The following SRPK2 variants were observed in gnomAD, a reference collection of about 807,000 sequenced individuals.
The protein encoded by SRPK2 is SFRS protein kinase 2.
A neutral mutation model predicts 90.8 loss-of-function variants in SRPK2; 21 were observed. The observed-to-expected ratio is 0.23, with a 90% confidence interval of 0.16 to 0.33. The LOEUF (loss-of-function observed/expected upper bound fraction) is 0.33, where lower values mean the gene tolerates loss of function less well. Ranked by LOEUF, SRPK2 falls within the 10% of genes least tolerant of loss-of-function variation. The pLI, the probability that SRPK2 is intolerant of heterozygous loss-of-function variation, is 1.00. For synonymous variants in SRPK2, 288 were observed against 311.1 expected (o/e 0.93, Z 0.78); for missense variants, 620 against 869.0 (o/e 0.71, Z 3.60).
chr7:105,345,416 T>C (rs1221926134), intron 2 of SRPK2, among the ~76,000 whole-genome samples: 1 of 152,134 alleles, frequency 6.6e-6, no homozygotes, highest in Non-Finnish European at 1.5e-5. Context: ...ACAGTAGCTT[T>C]TGAGTTTGAT....
chr7:105,367,265 G>A (rs1819182222), intron 2 of SRPK2, among the ~76,000 whole-genome samples: 1 of 151,372 alleles, frequency 6.6e-6, no homozygotes, highest in Non-Finnish European at 1.5e-5. Flanking sequence ...ACAGGGCTTT[G>A]TTTTGTTTTG....
chr7:105,314,124 A>G (rs1812044971), intron 2 of SRPK2, among the ~76,000 whole-genome samples: 2 of 152,060 alleles, frequency 1.3e-5, no homozygotes, highest in Non-Finnish European at 2.9e-5. Context: ...TGAGGCCAGG[A>G]GCTAGAGACC....
intron 3 of SRPK2, among the ~76,000 whole-genome samples, chr7:105,174,750 A>G (rs1457490340): frequency 6.6e-6 from 1 of 152,226 alleles, no homozygotes; most frequent in Admixed American, 6.5e-5. Context: ...ATTACCATTT[A>G]TAGATCACTA....
chr7:105,120,796 A>C (rs1323037165), intron 15 of SRPK2, among the ~76,000 whole-genome samples: 1 of 152,180 alleles, frequency 6.6e-6, no homozygotes, highest in Non-Finnish European at 1.5e-5. Context: ...CCCTGGAAAT[A>C]GTTGATAAGG....
chr7:105,151,352 T>G (rs1805615714), intron 7 of SRPK2, among the ~76,000 whole-genome samples: 1 of 152,142 alleles, frequency 6.6e-6, no homozygotes, highest in Non-Finnish European at 1.5e-5. Context: ...GAGCTTTCAT[T>G]CTCATCTATG....
At chr7:105,122,330 CAT>C (rs776078642) in intron 15 of SRPK2, among the ~76,000 whole-genome samples, 16 of 152,152 alleles carry the variant, frequency 1.1e-4, no homozygotes, top group East Asian at 3.8e-4. Flanking sequence ...TAAACTTTCA[CAT>C]GTGTATTCAA....
chr7:105,230,921 T>C (rs1799349544), intron 2 of SRPK2, among the ~76,000 whole-genome samples: 1 of 152,236 alleles, frequency 6.6e-6, no homozygotes, highest in South Asian at 2.1e-4. Context: ...TATTCTTGAA[T>C]TTATTACAAG....
chr7:105,285,366 C>T (rs1234345231), intron 2 of SRPK2, among the ~76,000 whole-genome samples: 3 of 111,244 alleles, frequency 2.7e-5, no homozygotes, highest in Non-Finnish European at 5.1e-5. Flanking sequence ...AACTGGGCAA[C>T]AGAGTGAGAC....
intron 2 of SRPK2, among the ~76,000 whole-genome samples, chr7:105,295,818 T>C (rs1193974856): frequency 6.6e-6 from 1 of 152,184 alleles, no homozygotes; most frequent in African/African-American, 2.4e-5. Flanking sequence ...GCTCACACAA[T>C]ATTTCTCTTG....
chr7:105,302,197 G>C lies in SRPK2; in HGVS notation c.71+86451C>G, dbSNP rs1270044564. On this transcript the variant is annotated intron_variant, in intron 2 of 15. Coordinates refer to ENST00000393651, the MANE Select transcript of SRPK2 (RefSeq NM_182692.3). The stretch of plus-strand genomic sequence containing the variant: ...GGTGGCTTTTTATAAAATAATTTTT[G>C]TATGTTTCTTACATTAAAAAGGTTG... The C allele has an allele frequency of 1.4e-5, 11 of 796,208 alleles. No homozygotes were observed. In the South Asian group the frequency reaches 1.6e-4, roughly 12 times the overall value. The allele number at this position is 796,208 out of a possible 1,614,324, so 49.3% of individuals were successfully genotyped here. A position where few individuals can be genotyped will look rare whatever the true frequency, so the allele number is the denominator to read the frequency against.
chr7:105,354,904 C>T (rs963605484), intron 2 of SRPK2, among the ~76,000 whole-genome samples: 1 of 152,164 alleles, frequency 6.6e-6, no homozygotes, highest in South Asian at 2.1e-4. Context: ...ATATTTCCCC[C>T]TCCCCACCAG....
rs1415537439 is a variant in SRPK2, at chr7:105,233,080, AAAGGAAGGAAAG to A, written c.72-29307_72-29296del. ...GGAGGGAGCAAGGAAGGAAGGAAGG[AAAGGAAGGAAAG>A]AAGGAAGGAAGGAAGGAAGGAAGGA... On this transcript the variant is annotated intron_variant, in intron 2 of 15. Transcript: ENST00000393651. Among the ~76,000 whole-genome samples, 328 of 117,150 alleles carry A rather than the reference AAAGGAAGGAAAG, an allele frequency of 2.8e-3. 6 individuals carry two copies. Among genetic ancestry groups the A allele is most frequent in the South Asian group, 0.026 (90 of 3,468 alleles). 76.9% of individuals were successfully genotyped at this position (117,150 alleles called of 152,430 possible).
intron 2 of SRPK2, among the ~76,000 whole-genome samples, chr7:105,247,396 G>A (rs945090779): frequency 6.6e-6 from 1 of 152,080 alleles, no homozygotes. Flanking sequence ...TTAATGGTGA[G>A]GAAGAGGGGA....
At chr7:105,124,538 A>G (rs1800859253) in intron 15 of SRPK2, among the ~76,000 whole-genome samples, 1 of 150,562 alleles carries the variant, frequency 6.6e-6, no homozygotes, top group Non-Finnish European at 1.5e-5. Flanking sequence ...CTTCTTGTGA[A>G]GTTGAGGCAG....
intron 2 of SRPK2, among the ~76,000 whole-genome samples, chr7:105,296,430 CA>C (rs1469919149): frequency 1.3e-5 from 2 of 151,044 alleles, no homozygotes; most frequent in African/African-American, 4.9e-5. Flanking sequence ...CCTCTGAACA[CA>C]AAAGGAAAAA....
At chr7:105,197,085 C>A (rs947846230) in intron 3 of SRPK2, among the ~76,000 whole-genome samples, 2 of 151,534 alleles carry the variant, frequency 1.3e-5, no homozygotes, top group African/African-American at 4.9e-5. Context: ...GTCATAGACT[C>A]GGAGGGTTGG....
chr7:105,310,843 A>G (rs1811626920), intron 2 of SRPK2, among the ~76,000 whole-genome samples: 1 of 152,130 alleles, frequency 6.6e-6, no homozygotes, highest in Admixed American at 6.6e-5. Flanking sequence ...GTCTACTCAA[A>G]CTTTTTGTGG....
intron 7 of SRPK2, among the ~76,000 whole-genome samples, chr7:105,156,978 C>T (rs1029942292): frequency 7.2e-5 from 11 of 152,020 alleles, no homozygotes; most frequent in African/African-American, 2.7e-4. Flanking sequence ...AGCAAACAGG[C>T]AATGGGAAGC....
chr7:105,313,220 C>G (rs1001117783), intron 2 of SRPK2, among the ~76,000 whole-genome samples: 1 of 150,012 alleles, frequency 6.7e-6, no homozygotes, highest in Admixed American at 6.7e-5. Context: ...CCAACATGGG[C>G]GGATTGCCTG....
Sources: gnomAD v4.1 joint callset for allele counts (sites outside exome capture counted in the v4.1 genomes callset) on GRCh38, gnomAD v4.1.1 for gene constraint, MANE v1.5 for transcripts, NCBI Gene and HGNC (gene_info 2026-07-23, HGNC 2026-07-21) for gene names.